The following CMSS1 variants were observed in gnomAD, a reference collection of about 807,000 sequenced individuals.
CMSS1 encodes the protein protein CMSS1.
CMSS1 carries 33 observed loss-of-function variants against 43.5 expected under a neutral mutation model. That is an observed-to-expected ratio of 0.76 (90% CI 0.57 to 1.01). CMSS1 has a LOEUF of 1.01. CMSS1 is among the 50% of genes least tolerant of loss of function. The probability of loss-of-function intolerance (pLI) is 0.00; values close to 1 mark genes in which losing one functional copy is unlikely to be tolerated. For synonymous variants in CMSS1, 115 were observed against 117.2 expected, an observed-to-expected ratio of 0.98 and a Z score of 0.12; for missense variants, 313 against 326.4, an observed-to-expected ratio of 0.96 and a Z score of 0.32.
At chr3:100,176,175 T>A in intron 8 of CMSS1, 152 bp from the exon 9 acceptor site, 1 of 558,536 alleles carries the variant, frequency 1.8e-6, no homozygotes, top group South Asian at 2.4e-5. Context: ...TTGTTTTCCA[T>A]CAGGGAAGGG....
Position 100,005,319 on chromosome 3 carries a change from G to C in CMSS1, c.65-141654G>C, listed in dbSNP as rs137995663. ...TTGACTACTGTCACTCAAACAGGCTGTCTTGAAAAAGGTGAAGCTGGGAGG... is the reference window on the plus strand; with the variant it reads ...TTGACTACTGTCACTCAAACAGGCTCTCTTGAAAAAGGTGAAGCTGGGAGG... On this transcript the variant is annotated intron_variant, in intron 1 of 9. Coordinates refer to ENST00000421999, the MANE Select transcript of CMSS1 (RefSeq NM_032359.4). Among the ~76,000 whole-genome samples, 1,175 of 152,300 alleles carry C rather than the reference G, an allele frequency of 7.7e-3. 20 individuals carry two copies. The highest frequency in any genetic ancestry group is 0.026 in the African/African-American group (1,081 of 41,566).
At chr3:100,123,296 C>T (rs13093776) in intron 1 of CMSS1, among the ~76,000 whole-genome samples, 36,780 of 151,890 alleles carry the variant, frequency 0.24, 4,589 homozygotes, top group African/African-American at 0.28. Flanking sequence ...GTGAAGGCTC[C>T]GGGGCAAGAA....
intron 1 of CMSS1, chr3:99,850,904 G>A (rs1295121282): frequency 1.2e-6 from 2 of 1,614,162 alleles, no homozygotes; most frequent in Non-Finnish European, 8.5e-7. Flanking sequence ...TGGATTTTCT[G>A]TCTTTGAAGG....
At chr3:100,034,905 G>A (rs1366848676) in intron 1 of CMSS1, among the ~76,000 whole-genome samples, 1 of 152,154 alleles carries the variant, frequency 6.6e-6, no homozygotes, top group African/African-American at 2.4e-5. Flanking sequence ...AATCACTGCA[G>A]TAGTCCACTT....
rs115434368 is a variant in CMSS1, at chr3:100,057,920, C to T, written c.65-89053C>T. On this transcript the variant is annotated intron_variant, in intron 1 of 9. Coordinates refer to ENST00000421999, the MANE Select transcript of CMSS1 (RefSeq NM_032359.4). ...AAGATCCTGATGACCTTTTACCCAA[C>T]TAACTGACTGTCTAAATCTTTCGAC... is the stretch of plus-strand genomic sequence containing the variant. Among the ~76,000 whole-genome samples the T allele has an allele frequency of 6.1e-3, 935 of 152,268 alleles. 6 individuals are homozygous for T. The highest frequency in any genetic ancestry group is 0.018 in the African/African-American group (742 of 41,560).
At chr3:99,874,412 C>T (rs1705399001) in intron 1 of CMSS1, 2 of 152,144 alleles carry the variant, frequency 1.3e-5, no homozygotes, top group Admixed American at 1.3e-4. Context: ...ATAAACAACT[C>T]TTCCATTGCA....
chr3:99,907,209 G>A (rs1482756527), intron 1 of CMSS1, among the ~76,000 whole-genome samples: 1 of 152,006 alleles, frequency 6.6e-6, no homozygotes, highest in African/African-American at 2.4e-5. Flanking sequence ...ATGGAATGGT[G>A]TGGAATAGTT....
intron 1 of CMSS1, among the ~76,000 whole-genome samples, chr3:100,118,617 A>G (rs1351109099): frequency 6.6e-6 from 1 of 152,196 alleles, no homozygotes. Context: ...TGTAGATCCT[A>G]CAATATAATT....
chr3:99,921,897 G>A (rs1220904090), intron 1 of CMSS1, among the ~76,000 whole-genome samples: 1 of 151,982 alleles, frequency 6.6e-6, no homozygotes, highest in African/African-American at 2.4e-5. Context: ...CCATTTCTCA[G>A]TGTTGTTCCT....
intron 1 of CMSS1, among the ~76,000 whole-genome samples, chr3:99,875,185 G>T (rs1040550063): frequency 6.6e-6 from 1 of 152,016 alleles, no homozygotes; most frequent in Non-Finnish European, 1.5e-5. Flanking sequence ...TTGACTTTTA[G>T]TTGGAAAAAA....
rs114666277 is a variant in CMSS1, at chr3:99,837,226, C to T, written c.64+19183C>T. Among the ~76,000 whole-genome samples, 1,022 of 152,208 alleles carry T rather than the reference C, an allele frequency of 6.7e-3. 3 individuals carry two copies. The highest frequency in any genetic ancestry group is 8.5e-3 in the African/African-American group (352 of 41,524). On this transcript the variant is annotated intron_variant, in intron 1 of 9. Transcript: ENST00000421999. The stretch of plus-strand genomic sequence containing the variant: ...CATGATCCGTACTCACTGATTCCCT[C>T]CCTGTTGCCCTAAAGGAATAACTAT...
At chr3:100,069,159 A>G (rs1350095960) in intron 1 of CMSS1, among the ~76,000 whole-genome samples, 1 of 152,142 alleles carries the variant, frequency 6.6e-6, no homozygotes, top group African/African-American at 2.4e-5. Context: ...CTTTAAGGTC[A>G]GTGGCATCAA....
chr3:99,993,718 G>A (rs1302422597), intron 1 of CMSS1, among the ~76,000 whole-genome samples: 1 of 152,106 alleles, frequency 6.6e-6, no homozygotes, highest in African/African-American at 2.4e-5. Flanking sequence ...TGCTTTTTCT[G>A]TGTATATTGA....
At chr3:99,873,622 T>G (rs757184397) in intron 1 of CMSS1, among the ~76,000 whole-genome samples, 52 of 152,222 alleles carry the variant, frequency 3.4e-4, no homozygotes, top group Non-Finnish European at 6.8e-4. Context: ...CATTTTCAGT[T>G]TTTTTTCTTA....
At chr3:100,024,471 G>T (rs2064881975) in intron 1 of CMSS1, among the ~76,000 whole-genome samples, 1 of 152,078 alleles carries the variant, frequency 6.6e-6, no homozygotes, top group Non-Finnish European at 1.5e-5. Flanking sequence ...CTGAGAGTCA[G>T]TTTAAGTCAC....
intron 1 of CMSS1, among the ~76,000 whole-genome samples, chr3:100,021,573 A>T (rs924813810): frequency 1.4e-4 from 22 of 152,286 alleles, no homozygotes; most frequent in African/African-American, 5.3e-4. Context: ...CTTGAATTTG[A>T]AGCAAAGTCT....
intron 1 of CMSS1, among the ~76,000 whole-genome samples, chr3:99,892,687 A>G (rs947599081): frequency 1.3e-5 from 2 of 152,186 alleles, no homozygotes; most frequent in Non-Finnish European, 2.9e-5. Flanking sequence ...GGAGCCAGTA[A>G]GCCTTTCCCA....
chr3:99,998,812 G>A (rs750438176), intron 1 of CMSS1, among the ~76,000 whole-genome samples: 25 of 152,084 alleles, frequency 1.6e-4, no homozygotes, highest in Admixed American at 3.9e-4. Context: ...CTCGTGATCC[G>A]CCCGCCTTAG....
In CMSS1 at chr3:99,870,868, C is replaced by T. The variant is rs533796886; in HGVS notation, c.64+52825C>T. Among the ~76,000 whole-genome samples, 6 of 152,168 alleles carry T rather than the reference C, an allele frequency of 3.9e-5. No individual in the cohort carries two copies. The East Asian group carries it at 1.2e-3, about 29-fold the overall frequency. ...GTGCCCCGTAAGTGCATCTTCCAGG[C>T]CTTCACCTGAGGCACAGAGATTAGA... is the stretch of plus-strand genomic sequence containing the variant. On this transcript the variant is annotated intron_variant, in intron 1 of 9. Coordinates refer to ENST00000421999, the MANE Select transcript of CMSS1 (RefSeq NM_032359.4).
Sources: allele counts gnomAD v4.1 joint callset (sites outside exome capture counted in the v4.1 genomes callset), GRCh38; gene constraint gnomAD v4.1.1; transcripts MANE v1.5; gene names NCBI Gene and HGNC (gene_info 2026-07-23, HGNC 2026-07-21).